The following CYP39A1 variants were observed in gnomAD, a reference collection of about 807,000 sequenced individuals.
CYP39A1 encodes 24-hydroxycholesterol 7-alpha-hydroxylase.
In CYP39A1, 49 loss-of-function variants were observed where a neutral mutation model predicts 58.1. That is an observed-to-expected ratio of 0.84 (90% CI 0.67 to 1.07). The LOEUF is 1.07. Ranked by LOEUF, CYP39A1 falls within the 50% of genes least tolerant of loss-of-function variation. CYP39A1 has a pLI of 0.00. For synonymous variants in CYP39A1, 209 were observed against 187.6 expected (o/e 1.11, Z -0.93); for missense variants, 531 against 539.4 (o/e 0.98, Z 0.16).
In CYP39A1 at chr6:46,639,551, T is replaced by C; in HGVS notation, c.431A>G (p.His144Arg). The change falls in exon 3 of 12, where the codon CAT (histidine) becomes CGT (arginine). Residue 144 changes from histidine to arginine, a missense_variant. Transcript: ENST00000275016. ...AGTGCCTAAATTCTCCAGTTGTTCA[T>C]GTAATTCTTCAGTCAGTTGCCCAGT... is the stretch of plus-strand genomic sequence containing the variant. ...QFTGQLTEEL[H>R]EQLENLGTHG... 1 of 1,614,164 alleles carries C rather than the reference T, an allele frequency of 6.2e-7. No individual in the cohort carries two copies. The highest frequency in any genetic ancestry group is 8.5e-7 in the Non-Finnish European group (1 of 1,180,008).
At chr6:46,636,279 G>T in intron 5 of CYP39A1, 110 bp downstream of exon 5, 1 of 724,160 alleles carries the variant, frequency 1.4e-6, no homozygotes, top group Non-Finnish European at 2.3e-6. Context: ...TACAGTGGTT[G>T]ACACAAAAAT....
intron 10 of CYP39A1, among the ~76,000 whole-genome samples, chr6:46,566,843 T>C (rs528708891): frequency 6.6e-6 from 1 of 151,886 alleles, no homozygotes; most frequent in African/African-American, 2.4e-5. Context: ...ATTATATATA[T>C]ATATATACAC....
chr6:46,552,648 C>T (rs1221770630), intron 11 of CYP39A1, among the ~76,000 whole-genome samples: 2 of 152,130 alleles, frequency 1.3e-5, no homozygotes, highest in Non-Finnish European at 2.9e-5. Context: ...ATTTAAATAG[C>T]ACCCTTTACC....
At chr6:46,594,336 AAAACATATG>A (rs2150521477) in intron 8 of CYP39A1, among the ~76,000 whole-genome samples, 1 of 152,234 alleles carries the variant, frequency 6.6e-6, no homozygotes, top group African/African-American at 2.4e-5. Flanking sequence ...AGAAATAGAA[AAAACATATG>A]AAACTACAAA....
At chr6:46,620,714 G>T (rs1363823416) in intron 7 of CYP39A1, among the ~76,000 whole-genome samples, 1 of 152,176 alleles carries the variant, frequency 6.6e-6, no homozygotes, top group East Asian at 1.9e-4. Flanking sequence ...TCAACTGCTT[G>T]GCTGAGTGTT....
chr6:46,609,755 T>C (rs1240799205), intron 7 of CYP39A1, among the ~76,000 whole-genome samples: 1 of 152,174 alleles, frequency 6.6e-6, no homozygotes, highest in Non-Finnish European at 1.5e-5. Flanking sequence ...CCTTCAAAAA[T>C]TCAATATAAA....
intron 11 of CYP39A1, among the ~76,000 whole-genome samples, chr6:46,552,853 C>A (rs1401927331): frequency 6.6e-6 from 1 of 151,996 alleles, no homozygotes; most frequent in Non-Finnish European, 1.5e-5. Flanking sequence ...GGGAGACCAG[C>A]GTGGCCAACA....
rs557298254 is a variant in CYP39A1 at position 46,560,614 on chromosome 6, A to G, written c.1251-6760T>C. Among the ~76,000 whole-genome samples the G allele has an allele frequency of 1.4e-3, 208 of 152,266 alleles. 2 individuals carry two copies. Among genetic ancestry groups the G allele is most frequent in the Non-Finnish European group, 2.3e-3 (157 of 68,004 alleles). ...CCAGTGCCTTTTAGATATCCAAAGA[A>G]GATGTTGAATGGAAGCTAAGTAATG... On this transcript the variant is annotated intron_variant, in intron 10 of 11. Coordinates refer to ENST00000275016, the MANE Select transcript of CYP39A1 (RefSeq NM_016593.5).
chr6:46,583,919 T>C (rs1382450712), intron 10 of CYP39A1, among the ~76,000 whole-genome samples: 1 of 152,180 alleles, frequency 6.6e-6, no homozygotes, highest in African/African-American at 2.4e-5. Flanking sequence ...ACTTTGATCA[T>C]CAGCCATATT....
intron 10 of CYP39A1, among the ~76,000 whole-genome samples, chr6:46,554,742 C>T (rs1189482725): frequency 2.6e-5 from 4 of 152,118 alleles, no homozygotes; most frequent in Non-Finnish European, 5.9e-5. Flanking sequence ...ATTAGTCCAA[C>T]GGGACAGAAC....
In CYP39A1 at chr6:46,596,047, G is replaced by T; in HGVS notation, c.1005C>A (p.Thr335=). The change falls in exon 8 of 12, where the codon ACC becomes ACA. Residue 335 remains threonine (T), a synonymous_variant. Transcript: ENST00000275016. ...LLLIKWCVLE[T]IRLKAPGVIT... ...TGACACCAGGAGCTTTTAAACGAAT[G>T]GTTTCCAAAACACACCATTTAATTA... 1 of 1,611,570 alleles carries T rather than the reference G, an allele frequency of 6.2e-7. No homozygotes were observed. The highest frequency in any genetic ancestry group is 8.5e-7 in the Non-Finnish European group (1 of 1,178,622).
intron 6 of CYP39A1, among the ~76,000 whole-genome samples, chr6:46,626,044 A>G (rs916752753): frequency 6.8e-6 from 1 of 148,090 alleles, no homozygotes; most frequent in East Asian, 1.9e-4. Flanking sequence ...TGTCAAAAAC[A>G]AAGTCCTTTT....
chr6:46,553,393 G>A (rs906760181), intron 11 of CYP39A1, among the ~76,000 whole-genome samples: 9 of 152,130 alleles, frequency 5.9e-5, no homozygotes, highest in African/African-American at 2.2e-4. Context: ...GTTATGACTT[G>A]CATTAAAAAC....
At chr6:46,578,065 C>G (rs1356216918) in intron 10 of CYP39A1, among the ~76,000 whole-genome samples, 1 of 151,964 alleles carries the variant, frequency 6.6e-6, no homozygotes, top group South Asian at 2.1e-4. Flanking sequence ...AAACCAAAAC[C>G]ATACCAACCA....
intron 7 of CYP39A1, among the ~76,000 whole-genome samples, chr6:46,610,514 A>G (rs2150548762): frequency 6.6e-6 from 1 of 151,804 alleles, no homozygotes; most frequent in Middle Eastern, 3.4e-3. Flanking sequence ...ACTAAATTTT[A>G]TTTTTTAATT....
At chr6:46,636,819 C>A (rs561207392) in intron 4 of CYP39A1, among the ~76,000 whole-genome samples, 1 of 152,280 alleles carries the variant, frequency 6.6e-6, no homozygotes, top group East Asian at 1.9e-4. Context: ...TGCACAGAAC[C>A]AATCGCTGAC....
chr6:46,590,103 C>T (rs562588385), intron 8 of CYP39A1, among the ~76,000 whole-genome samples: 2 of 152,310 alleles, frequency 1.3e-5, no homozygotes, highest in South Asian at 2.1e-4. Flanking sequence ...AGCAAGCAGA[C>T]ATCATCACGC....
intron 1 of CYP39A1, among the ~76,000 whole-genome samples, chr6:46,642,881 G>A (rs1287956976): frequency 6.6e-6 from 1 of 152,184 alleles, no homozygotes; most frequent in South Asian, 2.1e-4. Context: ...AGCGGTCTCA[G>A]TTTCTCGCTA....
rs370506487 is a variant in CYP39A1 at position 46,648,555 on chromosome 6, A to G, written c.177+3851T>C. 2.6e-4 allele frequency among the ~76,000 whole-genome samples: 39 copies of G among 150,430 alleles called. No homozygotes were observed. The East Asian group carries it at 7.1e-3, about 28-fold the overall frequency. On this transcript the variant is annotated intron_variant, in intron 1 of 11. Coordinates refer to ENST00000275016, the MANE Select transcript of CYP39A1 (RefSeq NM_016593.5). ...GAGGGGGGAGGGATAGCATTAGGAGATATACCTAATATAAATGATGAGTTA... is the reference window on the plus strand; with the variant it reads ...GAGGGGGGAGGGATAGCATTAGGAGGTATACCTAATATAAATGATGAGTTA...
Sources: allele counts gnomAD v4.1 joint callset (sites outside exome capture counted in the v4.1 genomes callset), GRCh38; gene constraint gnomAD v4.1.1; transcripts MANE v1.5; gene names NCBI Gene and HGNC (gene_info 2026-07-23, HGNC 2026-07-21).